The following NPHS2 variants were observed in gnomAD, a reference collection of about 807,000 sequenced individuals.
NPHS2 encodes the protein NPHS2 stomatin family member, podocin, also known as podocin.
In NPHS2, 36 loss-of-function variants were observed where a neutral mutation model predicts 37.1. That is an observed-to-expected ratio of 0.97 (90% CI 0.74 to 1.28). NPHS2 has a LOEUF of 1.28. Among genes scored for constraint, NPHS2 ranks in the 50% most tolerant of loss-of-function variants. The pLI is 0.00. For missense variants in NPHS2, 447 were observed against 488.1 expected, an observed-to-expected ratio of 0.92 and a Z score of 0.79; for synonymous variants, 196 against 189.3, an observed-to-expected ratio of 1.04 and a Z score of -0.29.
intron 2 of NPHS2, among the ~76,000 whole-genome samples, chr1:179,563,762 T>G (rs1018662079): frequency 6.6e-6 from 1 of 152,050 alleles, no homozygotes; most frequent in African/African-American, 2.4e-5. Context: ...TACTTTGAGA[T>G]AAATGAAAAC....
chr1:179,563,324 T>C (rs1395259959), intron 2 of NPHS2, among the ~76,000 whole-genome samples: 1 of 143,526 alleles, frequency 7.0e-6, no homozygotes, highest in African/African-American at 2.4e-5. Flanking sequence ...CCAAAATACA[T>C]GAGGAAAAAG....
intron 1 of NPHS2, among the ~76,000 whole-genome samples, chr1:179,571,789 C>T (rs1419450902): frequency 1.3e-5 from 2 of 152,248 alleles, no homozygotes; most frequent in East Asian, 1.9e-4. Context: ...ACACCCCACC[C>T]CCAGCGAGGC....
intron 1 of NPHS2, among the ~76,000 whole-genome samples, chr1:179,567,271 AGGTCC>A (rs1674371061): frequency 1.3e-5 from 2 of 152,066 alleles, no homozygotes; most frequent in Non-Finnish European, 2.9e-5. Flanking sequence ...CTCCTTGAGG[AGGTCC>A]TTCACGTCCC....
rs1046868806 is a variant in NPHS2 at position 179,575,465 on chromosome 1, G to T, written c.274+126C>A. 6.8e-6 allele frequency: 9 copies of T among 1,332,544 alleles called. No individual in the cohort carries two copies. The South Asian group carries it at 1.1e-4, about 17-fold the overall frequency. The allele number at this position is 1,332,544 out of a possible 1,614,324, so 82.5% of individuals were successfully genotyped here. On this transcript the variant is annotated intron_variant, in intron 1 of 7. Transcript: ENST00000367615. ...CCTAACTTACGCCCTTCCGTTCCTG[G>T]GAACCTGAGCATCCAGCAATCTGCT...
chr1:179,559,158 C>T (rs1674044045), intron 4 of NPHS2, among the ~76,000 whole-genome samples: 1 of 152,176 alleles, frequency 6.6e-6, no homozygotes, highest in Non-Finnish European at 1.5e-5. Context: ...ATTCCTTCCT[C>T]CTCAAAGGGA....
rs1477180313 is a variant in NPHS2, at chr1:179,575,777, C to A, written c.88G>T (p.Glu30Ter). 6.7e-7 allele frequency: 1 copy of A among 1,497,692 alleles called. No homozygotes were observed. Among genetic ancestry groups the A allele is most frequent in the Non-Finnish European group, 8.9e-7 (1 of 1,127,956 alleles). The allele number at this position is 1,497,692 out of a possible 1,614,324, so 92.8% of individuals were successfully genotyped here. The change falls in exon 1 of 8, where the codon GAG becomes TAG. Residue 30 changes from glutamate to a stop codon, truncating the protein, a stop_gained. Coordinates refer to ENST00000367615, the MANE Select transcript of NPHS2 (RefSeq NM_014625.4). LOFTEE classifies it high-confidence loss of function. Reference protein sequence around the residue: ...PHKENKRAKAERSGGGRGRQE... With the variant: ...PHKENKRAKA ...CGCCCGCGGCCTCCGCCGCTCCTCT[C>A]GGCCTTTGCCCTCTTGTTCTCCTTG...
chr1:179,559,263 A>C (rs1479362189), intron 4 of NPHS2, among the ~76,000 whole-genome samples: 1 of 152,188 alleles, frequency 6.6e-6, no homozygotes, highest in Non-Finnish European at 1.5e-5. Flanking sequence ...TGCTGATTTA[A>C]ATGTTAATCC....
chr1:179,553,281 C>T (rs746000137), intron 6 of NPHS2, among the ~76,000 whole-genome samples: 10 of 152,156 alleles, frequency 6.6e-5, no homozygotes, highest in Middle Eastern at 3.2e-3. Context: ...TAATTGAAAA[C>T]GTGTTCACTC....
chr1:179,568,935 T>C (rs1328923326), intron 1 of NPHS2, among the ~76,000 whole-genome samples: 4 of 152,342 alleles, frequency 2.6e-5, no homozygotes, highest in African/African-American at 9.6e-5. Flanking sequence ...GTGATTTCTG[T>C]TCTTTTACAT....
chr1:179,561,503 A>G, intron 2 of NPHS2, 142 bp from the exon 3 acceptor site: 1 of 659,152 alleles, frequency 1.5e-6, no homozygotes. Context: ...TAAGTTTCCA[A>G]AATCTATATT....
At chr1:179,551,609 G>T in intron 7 of NPHS2, 158 bp from the exon 8 acceptor site, 1 of 788,060 alleles carries the variant, frequency 1.3e-6, no homozygotes, top group Non-Finnish European at 2.1e-6. Flanking sequence ...AGGGTCTTGA[G>T]CTGGGGAGAC....
chr1:179,552,768 G>T, intron 6 of NPHS2, 87 bp from the exon 7 acceptor site: 1 of 1,012,746 alleles, frequency 9.9e-7, no homozygotes. Flanking sequence ...CCTCTCTACT[G>T]CTGTCTCATG....
rs1558336219 is a variant in NPHS2 at position 179,551,180 on chromosome 1, A to G, written c.1145T>C (p.Met382Thr). The G allele has an allele frequency of 6.2e-7, 1 of 1,613,900 alleles. No individual in the cohort carries two copies. Among genetic ancestry groups the G allele is most frequent in the East Asian group, 2.2e-5 (1 of 44,866 alleles). The change falls in exon 8 of 8, where the codon ATG (methionine) becomes ACG (threonine). Residue 382 changes from methionine to threonine, a missense_variant. Physicochemically the swap from Met to Thr is moderately conservative, Grantham distance 81. Coordinates refer to ENST00000367615, the MANE Select transcript of NPHS2 (RefSeq NM_014625.4). ...PLNPKKKDSP[M>T]L ...CATTATGCCCCATCCTTCCTATAAC[A>G]TGGGAGAGTCTTTCTTTTTAGGATT...
At chr1:179,563,632 A>G (rs537681412) in intron 2 of NPHS2, among the ~76,000 whole-genome samples, 1 of 152,266 alleles carries the variant, frequency 6.6e-6, no homozygotes, top group Non-Finnish European at 1.5e-5. Context: ...TCTTATTACA[A>G]TGAAGTTAAA....
intron 2 of NPHS2, among the ~76,000 whole-genome samples, chr1:179,564,220 T>A (rs148050072): frequency 6.6e-6 from 1 of 152,228 alleles, no homozygotes; most frequent in Non-Finnish European, 1.5e-5. Context: ...GCTCCTCTAA[T>A]TCCATCTTGG....
intron 5 of NPHS2, among the ~76,000 whole-genome samples, chr1:179,555,387 C>T (rs989851283): frequency 1.3e-5 from 2 of 152,302 alleles, no homozygotes; most frequent in Admixed American, 6.5e-5. Flanking sequence ...GTCCCATCCA[C>T]CCCCTTGATT....
rs2274622 is a variant in NPHS2 at position 179,550,915 on chromosome 1, T to C, written c.*258A>G. 140,066 of 512,930 alleles carry C rather than the reference T, an allele frequency of 0.27. 20,589 individuals are homozygous for C. The highest frequency in any genetic ancestry group is 0.38 in the East Asian group (10,453 of 27,662). The allele number at this position is 512,930 out of a possible 1,614,324, so 31.8% of individuals were successfully genotyped here. On this transcript the variant is annotated 3_prime_UTR_variant, in exon 8 of 8. Transcript: ENST00000367615. The stretch of plus-strand genomic sequence containing the variant: ...AACCACATCTAGACTCAAAATTCTT[T>C]CCAAAGTAGAATGTTGACCAAAGCT...
rs558321918 is a variant in NPHS2, at chr1:179,566,168, A to G, written c.275-1375T>C. On this transcript the variant is annotated intron_variant, in intron 1 of 7. Transcript: ENST00000367615. ...ACTGTCTTCCACAATGGTTGAACTA[A>G]TTTACACTCCCACCAACAGTGTAAA... Among the ~76,000 whole-genome samples the G allele has an allele frequency of 2.0e-5, 3 of 152,356 alleles. No individual in the cohort carries two copies. In the South Asian group the frequency reaches 6.2e-4, roughly 32 times the overall value.
At chr1:179,553,902 C>G (rs1242704773) in intron 6 of NPHS2, among the ~76,000 whole-genome samples, 1 of 147,050 alleles carries the variant, frequency 6.8e-6, no homozygotes, top group Non-Finnish European at 1.5e-5. Flanking sequence ...TTTGCCAACA[C>G]CCCTGGCTAA....
Sources: gnomAD v4.1 joint callset for allele counts (sites outside exome capture counted in the v4.1 genomes callset) on GRCh38, gnomAD v4.1.1 for gene constraint, MANE v1.5 for transcripts, NCBI Gene and HGNC (gene_info 2026-07-23, HGNC 2026-07-21) for gene names.